Variants in MGAT4C observed in about 807,000 individuals in gnomAD.
MGAT4C encodes MGAT4 family member C.
MGAT4C carries 19 observed loss-of-function variants against 40.1 expected under a neutral mutation model. The ratio of observed to expected loss-of-function variants is 0.47; its 90% confidence interval spans 0.33 to 0.70. The LOEUF (loss-of-function observed/expected upper bound fraction) is 0.70, where lower values mean the gene tolerates loss of function less well. Among genes scored for constraint, MGAT4C ranks in the 30% least tolerant of loss-of-function variants. The pLI is 0.02. For missense variants in MGAT4C, 491 were observed against 563.2 expected (o/e 0.87, Z 1.30); for synonymous variants, 181 against 187.1 (o/e 0.97, Z 0.27).
intron 4 of MGAT4C, among the ~76,000 whole-genome samples, chr12:86,296,683 G>T (rs1161508528): frequency 2.6e-5 from 4 of 152,226 alleles, no homozygotes; most frequent in Admixed American, 2.6e-4. Context: ...CGCAGGGCCG[G>T]CCAGCGGCTC....
intron 1 of MGAT4C, among the ~76,000 whole-genome samples, chr12:86,116,722 T>A (rs839147): frequency 0.89 from 134,588 of 152,050 alleles, 59,804 homozygotes; most frequent in East Asian, 1. Flanking sequence ...GGATGGGATG[T>A]AATCCAATTG....
intron 1 of MGAT4C, among the ~76,000 whole-genome samples, chr12:86,788,031 T>A (rs1270561555): frequency 6.6e-6 from 1 of 152,026 alleles, no homozygotes; most frequent in East Asian, 1.9e-4. Context: ...GACAAAATGA[T>A]CAGATTCATG....
chr12:86,378,386 C>T (rs371783905), intron 3 of MGAT4C, among the ~76,000 whole-genome samples: 10 of 152,074 alleles, frequency 6.6e-5, no homozygotes, highest in South Asian at 2.1e-4. Context: ...TGTGATTTTT[C>T]GTTTTTCCTT....
chr12:86,467,784 T>C (rs1398890206), intron 2 of MGAT4C, among the ~76,000 whole-genome samples: 4 of 152,156 alleles, frequency 2.6e-5, no homozygotes, highest in Non-Finnish European at 4.4e-5. Context: ...CTTTAGATAA[T>C]GTTTCCAGGA....
chr12:86,345,445 T>A (rs1314967907), intron 3 of MGAT4C, among the ~76,000 whole-genome samples: 2 of 150,862 alleles, frequency 1.3e-5, no homozygotes, highest in African/African-American at 4.9e-5. Flanking sequence ...CCCACAACAG[T>A]CCCTGATGTG....
intron 2 of MGAT4C, among the ~76,000 whole-genome samples, chr12:86,725,786 T>A (rs543787570): frequency 2.0e-5 from 3 of 152,272 alleles, no homozygotes; most frequent in South Asian, 2.1e-4. Context: ...TTATTTTGTA[T>A]ACAACCATGC....
chr12:86,448,121 C>T (rs1246835502), intron 2 of MGAT4C, among the ~76,000 whole-genome samples: 1 of 152,174 alleles, frequency 6.6e-6, no homozygotes, highest in Non-Finnish European at 1.5e-5. Flanking sequence ...AAGTGCCTCC[C>T]ATTTCCCTCA....
At chr12:86,707,835 A>G (rs1385926395) in intron 2 of MGAT4C, among the ~76,000 whole-genome samples, 2 of 152,142 alleles carry the variant, frequency 1.3e-5, no homozygotes, top group East Asian at 3.9e-4. Flanking sequence ...CTGACTTGGC[A>G]GGAGAAGTTT....
chr12:86,012,990 G>T (rs867268314), intron 2 of MGAT4C, among the ~76,000 whole-genome samples: 3 of 151,916 alleles, frequency 2.0e-5, no homozygotes, highest in South Asian at 4.2e-4. Flanking sequence ...AATTAGCCAC[G>T]GTGGCACATG....
intron 1 of MGAT4C, among the ~76,000 whole-genome samples, chr12:86,212,036 G>A (rs1351792907): frequency 6.6e-6 from 1 of 152,204 alleles, no homozygotes; most frequent in African/African-American, 2.4e-5. Context: ...ACCTCCTAAC[G>A]TTTCTATCAA....
At chr12:86,385,180 G>A (rs1239088117) in intron 3 of MGAT4C, among the ~76,000 whole-genome samples, 1 of 152,088 alleles carries the variant, frequency 6.6e-6, no homozygotes, top group Non-Finnish European at 1.5e-5. Context: ...ATCTGACTGA[G>A]TTACATAATT....
At chr12:86,551,044 A>G (rs1959333203) in intron 2 of MGAT4C, among the ~76,000 whole-genome samples, 1 of 152,130 alleles carries the variant, frequency 6.6e-6, no homozygotes, top group African/African-American at 2.4e-5. Flanking sequence ...CAAGCCCAAG[A>G]CAGAGCACCA....
At position 86,239,797 on chromosome 12, in the gene MGAT4C, T is replaced by C. The variant is rs189551153; in HGVS notation, c.-57+16442A>G. On this transcript the variant is annotated intron_variant, in intron 1 of 4. Transcript: ENST00000611864. ...TTTCTTTATTGATTAAAAGATCTTA[T>C]CCCTCTCTTCTCAGTGGAACATGTG... is the stretch of plus-strand genomic sequence containing the variant. Among the ~76,000 whole-genome samples the C allele has an allele frequency of 3.4e-3, 494 of 146,476 alleles. 3 individuals carry two copies. The highest frequency in any genetic ancestry group is 0.012 in the African/African-American group (482 of 40,020).
upstream of MGAT4C, among the ~76,000 whole-genome samples, chr12:86,257,906 C>T (rs1347178998): frequency 6.6e-6 from 1 of 151,866 alleles, no homozygotes; most frequent in African/African-American, 2.4e-5. Flanking sequence ...TATGTATAGA[C>T]TGAGAGTGGT....
intron 2 of MGAT4C, among the ~76,000 whole-genome samples, chr12:86,501,566 A>G (rs1393960912): frequency 7.5e-6 from 1 of 132,724 alleles, no homozygotes; most frequent in African/African-American, 2.9e-5. Context: ...CACTGTTCAT[A>G]TCCCACTTAT....
chr12:86,328,658 TAA>T (rs377363520), intron 4 of MGAT4C, among the ~76,000 whole-genome samples: 80 of 152,214 alleles, frequency 5.3e-4, no homozygotes, highest in African/African-American at 1.8e-3. Flanking sequence ...AGAAATAATA[TAA>T]GACAAATTAA....
chr12:86,014,853 C>T (rs901267591), intron 2 of MGAT4C, among the ~76,000 whole-genome samples: 3 of 151,898 alleles, frequency 2.0e-5, no homozygotes, highest in African/African-American at 4.8e-5. Flanking sequence ...TATTTTGAGA[C>T]GGGATCTCTT....
chr12:86,463,909 C>CTT (rs1330636692), intron 2 of MGAT4C, among the ~76,000 whole-genome samples: 2 of 152,060 alleles, frequency 1.3e-5, no homozygotes, highest in African/African-American at 2.4e-5. Context: ...ACTAAAAATT[C>CTT]TTTATTTAAA....
At chr12:86,758,994 A>T (rs1951353673) in intron 1 of MGAT4C, among the ~76,000 whole-genome samples, 1 of 151,970 alleles carries the variant, frequency 6.6e-6, no homozygotes, top group African/African-American at 2.4e-5. Context: ...TATTCTTCCT[A>T]CCTAACTGTA....
Sources: allele counts gnomAD v4.1 joint callset (sites outside exome capture counted in the v4.1 genomes callset), GRCh38; gene constraint gnomAD v4.1.1; transcripts MANE v1.5; gene names NCBI Gene and HGNC (gene_info 2026-07-23, HGNC 2026-07-21).